RORC: variants seen among roughly 807,000 people sequenced by gnomAD.
The protein encoded by RORC is RAR related orphan receptor C, also known as nuclear receptor ROR-gamma.
In RORC, 13 loss-of-function variants were observed where a neutral mutation model predicts 64.5. The ratio of observed to expected loss-of-function variants is 0.20; its 90% CI spans 0.13 to 0.32. The LOEUF (loss-of-function observed/expected upper bound fraction) is 0.32. RORC is among the 10% of genes least tolerant of loss of function. RORC has a pLI of 1.00. For synonymous variants in RORC, 277 were observed against 259.3 expected, an observed-to-expected ratio of 1.07 and a Z score of -0.65; for missense variants, 468 against 669.5, an observed-to-expected ratio of 0.70 and a Z score of 3.32.
chr1:151,811,736 G>C (rs1651540456), intron 9 of RORC: 1 of 197,800 alleles, frequency 5.1e-6, no homozygotes, highest in South Asian at 1.6e-4. Flanking sequence ...CTAGGATTCT[G>C]TCATAGGGGT....
intron 10 of RORC, among the ~76,000 whole-genome samples, chr1:151,809,110 G>A (rs549438368): frequency 2.6e-5 from 4 of 152,284 alleles, no homozygotes; most frequent in South Asian, 4.1e-4. Flanking sequence ...CTGAGAACAG[G>A]AGTCAAGGCC....
At chr1:151,812,057 T>C (rs747366465) in intron 9 of RORC, 3 of 152,202 alleles carry the variant, frequency 2.0e-5, no homozygotes, top group Non-Finnish European at 4.4e-5. Flanking sequence ...GCCCAGCTAC[T>C]CCATGCCAGG....
chr1:151,815,235 C>A lies in RORC; in HGVS notation c.489G>T (p.Ser163=), dbSNP rs146520783. ...AGGCAGAAGCCTCAGGCAGGTCAGG[C>A]GAGGAGCCCAGGGGCAGCTGCCCGT... ...LPDGQLPLGS[S]PDLPEASACP... is the part of the protein sequence containing the mutation. The change falls in exon 5 of 11, where the codon TCG becomes TCT. Residue 163 remains serine (S), a synonymous_variant. Transcript: ENST00000318247. 8 of 1,612,144 alleles carry A rather than the reference C, an allele frequency of 5.0e-6. No homozygotes were observed. The highest frequency in any genetic ancestry group is 5.9e-6 in the Non-Finnish European group (7 of 1,178,834).
At chr1:151,829,567 G>C in intron 1 of RORC, 109 bp from the exon 2 acceptor site, 1 of 1,052,456 alleles carries the variant, frequency 9.5e-7, no homozygotes, top group South Asian at 2.2e-5. Flanking sequence ...CTCAGAGCCT[G>C]GCGTCTGAAG....
At chr1:151,813,915 T>C (rs776270352) in intron 6 of RORC, 2 of 352,170 alleles carry the variant, frequency 5.7e-6, no homozygotes, top group Non-Finnish European at 5.3e-6. Flanking sequence ...GAACAGGACA[T>C]ACAGCTGCCC....
chr1:151,826,159 G>A lies in RORC; in HGVS notation c.70+3270C>T, dbSNP rs1652188776. 2.5e-6 allele frequency: 3 copies of A among 1,204,764 alleles called. No individual in the cohort carries two copies. The South Asian group carries it at 9.0e-5, about 36-fold the overall frequency. 74.6% of individuals were successfully genotyped at this position (1,204,764 alleles called of 1,614,324 possible). ...GACAACCCCCCACCCCACCCCCAAG[G>A]GGTGCAGTGAGTAGGATGACAGGCG... On this transcript the variant is annotated intron_variant, in intron 2 of 10. Transcript: ENST00000318247.
At chr1:151,812,037 A>G (rs1337102260) in intron 9 of RORC, 1 of 152,240 alleles carries the variant, frequency 6.6e-6, no homozygotes, top group African/African-American at 2.4e-5. Context: ...TTTAGTATTC[A>G]TCTGGCTCAG....
At chr1:151,820,349 C>T (rs567388881) in intron 2 of RORC, among the ~76,000 whole-genome samples, 19 of 152,212 alleles carry the variant, frequency 1.2e-4, no homozygotes, top group African/African-American at 4.1e-4. Flanking sequence ...GGAGACACGT[C>T]CCTGAAGCAG....
At chr1:151,825,704 C>T (rs747987708) in intron 2 of RORC, among the ~76,000 whole-genome samples, 1 of 152,098 alleles carries the variant, frequency 6.6e-6, no homozygotes, top group Non-Finnish European at 1.5e-5. Context: ...CTTTTTGGAA[C>T]TCAGGAATTC....
Position 151,818,869 on chromosome 1 carries a change from T to C in RORC, c.71-1589A>G, listed in dbSNP as rs1330285337. Reference sequence around the variant, plus strand: ...TGATGTGAAGTGGGCAGGGAGACCATGGCTTGCCCGCCATTCCCCAAAATA... The same window carrying C: ...TGATGTGAAGTGGGCAGGGAGACCACGGCTTGCCCGCCATTCCCCAAAATA... On this transcript the variant is annotated intron_variant, in intron 2 of 10. Coordinates refer to ENST00000318247, the MANE Select transcript of RORC (RefSeq NM_005060.4). Among the ~76,000 whole-genome samples, 3 of 152,326 alleles carry C rather than the reference T, an allele frequency of 2.0e-5. No individual in the cohort carries two copies. In the East Asian group the frequency reaches 5.8e-4, roughly 29 times the overall value.
chr1:151,809,764 T>C (rs947367106), intron 10 of RORC, among the ~76,000 whole-genome samples: 3 of 152,216 alleles, frequency 2.0e-5, no homozygotes, highest in African/African-American at 7.2e-5. Context: ...CATTGCTGTA[T>C]CCTTAACACC....
rs953328471 is a variant in RORC, at chr1:151,813,170, C to T, written c.1174+69G>A. The stretch of plus-strand genomic sequence containing the variant: ...GGCAATTCGCCCTGAAAAGAGGGTG[C>T]CCTGGGTCACAAAGCTTTGCCTGGG... On this transcript the variant is annotated intron_variant, in intron 8 of 10. Coordinates refer to ENST00000318247, the MANE Select transcript of RORC (RefSeq NM_005060.4). 5 of 1,515,260 alleles carry T rather than the reference C, an allele frequency of 3.3e-6. No individual in the cohort carries two copies. The African/African-American group carries it at 5.5e-5, about 17-fold the overall frequency. The allele number at this position is 1,515,260 out of a possible 1,614,324, so 93.9% of individuals were successfully genotyped here. A position where few individuals can be genotyped will look rare whatever the true frequency, so the allele number is the denominator to read the frequency against.
At chr1:151,811,545 T>C in intron 9 of RORC, 111 bp from the exon 10 acceptor site, 1 of 630,912 alleles carries the variant, frequency 1.6e-6, no homozygotes, top group Non-Finnish European at 2.8e-6. Flanking sequence ...TCTTCTAAGC[T>C]GAGCGCGTGC....
At chr1:151,819,298 T>C (rs1164853800) in intron 2 of RORC, among the ~76,000 whole-genome samples, 1 of 152,204 alleles carries the variant, frequency 6.6e-6, no homozygotes, top group Non-Finnish European at 1.5e-5. Context: ...AAAAGTATTA[T>C]TGCCTGTCCA....
intron 10 of RORC, among the ~76,000 whole-genome samples, chr1:151,809,431 A>G (rs1265725295): frequency 2.0e-5 from 3 of 151,844 alleles, no homozygotes; most frequent in Non-Finnish European, 1.5e-5. Context: ...AACAACAAAA[A>G]CAAGAAAAAA....
chr1:151,826,348 C>T (rs61677461), intron 2 of RORC, among the ~76,000 whole-genome samples: 2 of 152,296 alleles, frequency 1.3e-5, no homozygotes, highest in Non-Finnish European at 2.9e-5. Flanking sequence ...GGAGCTCACA[C>T]GAGCCTGAAG....
intron 2 of RORC, among the ~76,000 whole-genome samples, chr1:151,818,685 C>A (rs934085905): frequency 3.3e-5 from 5 of 152,188 alleles, no homozygotes; most frequent in African/African-American, 7.2e-5. Flanking sequence ...GCGGGACAGG[C>A]CAGAAAAGTG....
At position 151,807,684 on chromosome 1, in the gene RORC, G is replaced by C. The variant is rs1290850287; in HGVS notation, c.1396-51C>G. 6.3e-7 allele frequency: 1 copy of C among 1,584,558 alleles called. No individual in the cohort carries two copies. The highest frequency in any genetic ancestry group is 1.3e-5 in the African/African-American group (1 of 74,276). On this transcript the variant is annotated intron_variant, in intron 10 of 10. Coordinates refer to ENST00000318247, the MANE Select transcript of RORC (RefSeq NM_005060.4). This position sits in a 1 kb window ranked among gnomAD's most constrained non-coding sequence, Gnocchi z 5.0. ...AGGGTCAATACTTCAGCTCTCCTCA[G>C]AGCAAAGAAGTCCGCTCATTCTTCC...
chr1:151,814,500 G>C lies in RORC; in HGVS notation c.933+74C>G. The C allele has an allele frequency of 5.3e-6, 8 of 1,510,312 alleles. No individual in the cohort carries two copies. In the South Asian group the frequency reaches 7.6e-5, roughly 14 times the overall value. The allele number at this position is 1,510,312 out of a possible 1,614,324, so 93.6% of individuals were successfully genotyped here. A position where few individuals can be genotyped will look rare whatever the true frequency, so the allele number is the denominator to read the frequency against. On this transcript the variant is annotated intron_variant, in intron 6 of 10. Coordinates refer to ENST00000318247, the MANE Select transcript of RORC (RefSeq NM_005060.4). ...CCGCCCTGCCCCAGGACCCAGTCGTGCGCAGGTAGCCATCTCTGAACTCTC... is the reference window on the plus strand; with the variant it reads ...CCGCCCTGCCCCAGGACCCAGTCGTCCGCAGGTAGCCATCTCTGAACTCTC...
Sources: gnomAD v4.1 joint callset for allele counts (sites outside exome capture counted in the v4.1 genomes callset) on GRCh38, gnomAD v4.1.1 for gene constraint, Gnocchi (gnomAD v3.1) non-coding constraint, MANE v1.5 for transcripts, NCBI Gene and HGNC (gene_info 2026-07-23, HGNC 2026-07-21) for gene names.